The following SLC14A2 variants were observed in gnomAD, a reference collection of about 807,000 sequenced individuals.
SLC14A2 encodes the protein solute carrier family 14 member 2, also known as urea transporter 2.
Under a neutral mutation model 104.6 loss-of-function variants are expected in SLC14A2, and 91 were observed. The ratio of observed to expected loss-of-function variants is 0.87; its 90% CI spans 0.73 to 1.04. SLC14A2 has a LOEUF of 1.04. Among genes scored for constraint, SLC14A2 ranks in the 50% least tolerant of loss-of-function variants. The pLI is 0.00. For missense variants in SLC14A2, 1,189 were observed against 1,156.0 expected, an observed-to-expected ratio of 1.03 and a Z score of -0.41; for synonymous variants, 476 against 466.4, an observed-to-expected ratio of 1.02 and a Z score of -0.27.
intron 1 of SLC14A2, among the ~76,000 whole-genome samples, chr18:45,414,755 AAAATATATATATAT>A (rs200339511): frequency 0.014 from 900 of 64,144 alleles, 50 homozygotes; most frequent in Admixed American, 0.019. Context: ...AAAAAAAAAA[AAAATATATATATAT>A]ATATATATAT....
At chr18:45,448,156 T>A (rs909711706) in intron 1 of SLC14A2, among the ~76,000 whole-genome samples, 5 of 152,226 alleles carry the variant, frequency 3.3e-5, no homozygotes, top group African/African-American at 1.2e-4. Flanking sequence ...CTTGGCTTTT[T>A]ATTTTTGTTG....
chr18:45,267,083 GT>G (rs1198530725), intron 1 of SLC14A2, among the ~76,000 whole-genome samples: 2 of 152,128 alleles, frequency 1.3e-5, no homozygotes. Flanking sequence ...TGGACAGCTT[GT>G]TTAGGAACAT....
intron 1 of SLC14A2, among the ~76,000 whole-genome samples, chr18:45,255,445 G>A (rs193063495): frequency 1.4e-4 from 22 of 152,282 alleles, no homozygotes; most frequent in East Asian, 7.7e-4. Flanking sequence ...AGCTTTGTCC[G>A]GGGCTCCATT....
chr18:45,455,046 C>A (rs751670430), intron 1 of SLC14A2, among the ~76,000 whole-genome samples: 2 of 152,028 alleles, frequency 1.3e-5, no homozygotes, highest in Non-Finnish European at 2.9e-5. Context: ...TGAAAAAGGT[C>A]AATGGTAGCT....
chr18:45,574,305 G>T (rs371087248), intron 2 of SLC14A2, among the ~76,000 whole-genome samples: 2 of 152,190 alleles, frequency 1.3e-5, no homozygotes, highest in East Asian at 1.9e-4. Flanking sequence ...CAGACAGAAG[G>T]TTCATGGAAG....
At chr18:45,646,241 T>G (rs1401420506) in intron 10 of SLC14A2, 1 of 152,198 alleles carries the variant, frequency 6.6e-6, no homozygotes, top group Non-Finnish European at 1.5e-5. Context: ...GACCCTTCAG[T>G]GCTGGAGTTT....
intron 1 of SLC14A2, among the ~76,000 whole-genome samples, chr18:45,293,836 TA>T (rs1209167914): frequency 6.6e-6 from 1 of 152,194 alleles, no homozygotes; most frequent in Non-Finnish European, 1.5e-5. Flanking sequence ...AGTAAGCACT[TA>T]AAAAATGTAT....
intron 1 of SLC14A2, among the ~76,000 whole-genome samples, chr18:45,419,097 C>T (rs1194548730): frequency 6.6e-6 from 1 of 152,224 alleles, no homozygotes. Context: ...ATGTTTCTGA[C>T]CAGTGCTCAC....
At chr18:45,531,639 A>G (rs1333033178) in intron 2 of SLC14A2, among the ~76,000 whole-genome samples, 3 of 152,110 alleles carry the variant, frequency 2.0e-5, no homozygotes, top group Non-Finnish European at 4.4e-5. Flanking sequence ...ATTTTCTCCC[A>G]TTCTGTAGGT....
upstream of SLC14A2, among the ~76,000 whole-genome samples, chr18:45,209,344 AAAC>A (rs2083942779): frequency 1.3e-5 from 2 of 151,980 alleles, no homozygotes; most frequent in African/African-American, 4.8e-5. Flanking sequence ...CTCCGTCTCA[AAAC>A]AAAACAACAA....
chr18:45,613,112 G>C (rs1599065320), upstream of SLC14A2, among the ~76,000 whole-genome samples: 1 of 152,100 alleles, frequency 6.6e-6, no homozygotes, highest in South Asian at 2.1e-4. Context: ...TCGGCTCACT[G>C]CAAGCTCCGC....
intron 1 of SLC14A2, among the ~76,000 whole-genome samples, chr18:45,432,715 A>C (rs1016980243): frequency 6.6e-6 from 1 of 152,160 alleles, no homozygotes; most frequent in Admixed American, 6.5e-5. Flanking sequence ...CCAGCATTTG[A>C]GTCTTCCCAG....
intron 1 of SLC14A2, among the ~76,000 whole-genome samples, chr18:45,330,039 T>C (rs2085273457): frequency 6.6e-6 from 1 of 152,214 alleles, no homozygotes; most frequent in South Asian, 2.1e-4. Flanking sequence ...GAGAAAATAA[T>C]ATCTCGTTCT....
chr18:45,181,687 T>C, the SLC14A2 span, among the ~76,000 whole-genome samples: 17 of 152,210 alleles, frequency 1.1e-4, no homozygotes, highest in East Asian at 1.9e-3. Context: ...AGATAAAGGG[T>C]CCATTGTAAT....
At chr18:45,356,526 A>G (rs2085555874) in intron 1 of SLC14A2, among the ~76,000 whole-genome samples, 1 of 152,232 alleles carries the variant, frequency 6.6e-6, no homozygotes, top group African/African-American at 2.4e-5. Flanking sequence ...CTAATGAGAT[A>G]CGGGAAACGA....
At chr18:45,662,676 T>C (rs1386796539) in intron 10 of SLC14A2, among the ~76,000 whole-genome samples, 5 of 152,214 alleles carry the variant, frequency 3.3e-5, no homozygotes, top group Non-Finnish European at 5.9e-5. Flanking sequence ...AGTGATAATA[T>C]ATAGTGCCCA....
chr18:45,622,848 A>C (rs1034763083), intron 1 of SLC14A2, among the ~76,000 whole-genome samples: 4 of 152,330 alleles, frequency 2.6e-5, no homozygotes, highest in African/African-American at 9.6e-5. Context: ...ACTGAGCTGG[A>C]CTAAAGAGAG....
chr18:45,238,528 G>A (rs2084279157), intron 1 of SLC14A2, among the ~76,000 whole-genome samples: 1 of 152,032 alleles, frequency 6.6e-6, no homozygotes, highest in Non-Finnish European at 1.5e-5. Context: ...GTTAGACACA[G>A]GTGACTTGGA....
upstream of SLC14A2, among the ~76,000 whole-genome samples, chr18:45,212,054 G>A (rs2083966076): frequency 6.6e-6 from 1 of 151,846 alleles, no homozygotes; most frequent in African/African-American, 2.4e-5. Flanking sequence ...TCATATATTG[G>A]AATTAATTCT....
Sources: gnomAD v4.1 joint callset for allele counts (sites outside exome capture counted in the v4.1 genomes callset) on GRCh38, gnomAD v4.1.1 for gene constraint, MANE v1.5 for transcripts, NCBI Gene and HGNC (gene_info 2026-07-23, HGNC 2026-07-21) for gene names.